RNASEL: variants seen among roughly 807,000 people sequenced by gnomAD.
The protein encoded by RNASEL is 2-5A-dependent ribonuclease.
RNASEL carries 36 observed loss-of-function variants against 50.9 expected under a neutral mutation model. The ratio of observed to expected loss-of-function variants is 0.71; its 90% CI spans 0.54 to 0.93. RNASEL has a LOEUF of 0.93. Among genes scored for constraint, RNASEL ranks in the 40% least tolerant of loss-of-function variants. The probability of loss-of-function intolerance (pLI) is 0.00; values close to 1 mark genes in which losing one functional copy is unlikely to be tolerated. For missense variants in RNASEL, 860 were observed against 894.5 expected, an observed-to-expected ratio of 0.96 and a Z score of 0.49; for synonymous variants, 335 against 335.6, an observed-to-expected ratio of 1.00 and a Z score of 0.02.
Position 182,585,660 on chromosome 1 carries a change from AC to A in RNASEL, c.1146del (p.Phe383SerfsTer7). On this transcript the variant is annotated frameshift_variant, in exon 2 of 7. Coordinates refer to ENST00000367559, the MANE Select transcript of RNASEL (RefSeq NM_021133.4). LOFTEE classifies it high-confidence loss of function. ...ADTSEGGIYL[G>X]FYEKQEVAVK... ...ACAGCTACTTCTTGCTTCTCATAGA[AC>A]CCCAGGTAGATGCCTCCTTCTGAAG... The A allele has an allele frequency of 6.2e-7, 1 of 1,613,962 alleles. No homozygotes were observed. The highest frequency in any genetic ancestry group is 8.5e-7 in the Non-Finnish European group (1 of 1,180,000).
At chr1:182,575,671 G>T in intron 6 of RNASEL, 93 bp from the exon 7 acceptor site, 2 of 1,495,064 alleles carry the variant, frequency 1.3e-6, no homozygotes, top group South Asian at 2.4e-5. Flanking sequence ...TTGCTCGCTT[G>T]ATTTCTATTG....
chr1:182,579,742 A>G (rs900681632), intron 5 of RNASEL: 6 of 1,174,636 alleles, frequency 5.1e-6, no homozygotes, highest in Admixed American at 7.8e-5. Flanking sequence ...AGAACCAATA[A>G]ATTGGGAAAT....
At chr1:182,587,646 G>A (rs1459042493) in intron 1 of RNASEL, among the ~76,000 whole-genome samples, 3 of 147,238 alleles carry the variant, frequency 2.0e-5, no homozygotes, top group Non-Finnish European at 4.5e-5. Flanking sequence ...ATGAAAATAT[G>A]CACATCAATT....
In RNASEL at chr1:182,576,255, C is replaced by T; in HGVS notation, c.2039+1G>A. The stretch of plus-strand genomic sequence containing the variant: ...TTTGTAGGAATGAAAACAATACTTA[C>T]TTTTTATGCTTTTCTTCATCAATGT... On this transcript the variant is annotated splice_donor_variant, in intron 6 of 6. Coordinates refer to ENST00000367559, the MANE Select transcript of RNASEL (RefSeq NM_021133.4). LOFTEE classifies it high-confidence loss of function. The T allele has an allele frequency of 2.5e-6, 4 of 1,610,432 alleles. No homozygotes were observed. The highest frequency in any genetic ancestry group is 3.4e-6 in the Non-Finnish European group (4 of 1,177,916).
intron 4 of RNASEL, 101 bp from the exon 5 acceptor site, chr1:182,581,458 T>C (rs1661494409): frequency 7.8e-6 from 10 of 1,288,410 alleles, no homozygotes; most frequent in Non-Finnish European, 1.1e-5. Flanking sequence ...TTTTGTGCTT[T>C]CTTGGTTTTT....
intron 3 of RNASEL, among the ~76,000 whole-genome samples, chr1:182,583,332 G>A (rs1445203213): frequency 6.6e-6 from 1 of 152,152 alleles, no homozygotes; most frequent in African/African-American, 2.4e-5. Flanking sequence ...GCTCTGCTGC[G>A]GGAGAAGCCC....
chr1:182,585,753 T>C lies in RNASEL; in HGVS notation c.1054A>G (p.Arg352Gly). Residue 352 changes from arginine to glycine, a missense_variant, in exon 2 of 7, where the codon AGA becomes GGA. Physicochemically the swap from Arg to Gly is moderately radical, Grantham distance 125. Transcript: ENST00000367559. ...HWGAALKDLH[R>G]IYRPMIGKLK... ...TTGCCAATCATAGGGCGGTATATTC[T>C]GTGGAGATCCTTCAGGGCTGCCCCC... is the stretch of plus-strand genomic sequence containing the variant. 6.2e-7 allele frequency: 1 copy of C among 1,614,160 alleles called. No individual in the cohort carries two copies. The highest frequency in any genetic ancestry group is 8.5e-7 in the Non-Finnish European group (1 of 1,180,034).
At chr1:182,576,411 C>CA in intron 5 of RNASEL, 22 bp from the exon 6 acceptor site, 1 of 1,526,816 alleles carries the variant, frequency 6.5e-7, no homozygotes. Context: ...AAAAATAACA[C>CA]AAAAATGTGG....
At chr1:182,581,078 G>T in intron 5 of RNASEL, 147 bp downstream of exon 5, 2 of 1,157,512 alleles carry the variant, frequency 1.7e-6, no homozygotes, top group Non-Finnish European at 2.6e-6. Context: ...GAGCCTAGGG[G>T]GATAGGGATG....
chr1:182,583,989 C>T, intron 3 of RNASEL, 92 bp downstream of exon 3: 1 of 884,626 alleles, frequency 1.1e-6, no homozygotes, highest in East Asian at 2.4e-5. Flanking sequence ...TACATATGTC[C>T]TACTAGTTCT....
chr1:182,587,317 C>T (rs3845458), intron 1 of RNASEL, among the ~76,000 whole-genome samples: 1 of 151,898 alleles, frequency 6.6e-6, no homozygotes, highest in Admixed American at 6.6e-5. Context: ...TTTTTCATGA[C>T]TATGTAATAT....
In RNASEL at chr1:182,586,816, T is replaced by C. The variant is rs1661611066; in HGVS notation, c.-10A>G. On this transcript the variant is annotated 5_prime_UTR_variant, in exon 2 of 7. Transcript: ENST00000367559. ...GATCCCTGCTCTCCATGACGGTAAA[T>C]GCCACCTGCTACCACTTTTAGCCTT... The C allele has an allele frequency of 6.2e-7, 1 of 1,613,978 alleles. No homozygotes were observed. The highest frequency in any genetic ancestry group is 1.1e-5 in the South Asian group (1 of 91,080).
chr1:182,580,682 A>G (rs1558470905), intron 5 of RNASEL, among the ~76,000 whole-genome samples: 1 of 152,246 alleles, frequency 6.6e-6, no homozygotes, highest in Non-Finnish European at 1.5e-5. Flanking sequence ...GTAGAGTTCC[A>G]CTATAATTAA....
rs753803341 is a variant in RNASEL at position 182,576,241 on chromosome 1, G to T, written c.2039+15C>A. The T allele has an allele frequency of 3.1e-6, 5 of 1,606,388 alleles. No homozygotes were observed. The South Asian group carries it at 5.6e-5, about 18-fold the overall frequency. On this transcript the variant is annotated intron_variant, in intron 6 of 6. Coordinates refer to ENST00000367559, the MANE Select transcript of RNASEL (RefSeq NM_021133.4). ...CATTTCACATATAATTTGTAGGAAT[G>T]AAAACAATACTTACTTTTTATGCTT...
chr1:182,575,294 C>T lies in RNASEL; in HGVS notation c.*98G>A. The stretch of plus-strand genomic sequence containing the variant: ...CATATCAGCTATGCAACTCATCCCT[C>T]ACAAGCAACCTGGTGAGTTAAAAGG... On this transcript the variant is annotated 3_prime_UTR_variant, in exon 7 of 7. Transcript: ENST00000367559. 1 of 1,254,172 alleles carries T rather than the reference C, an allele frequency of 8.0e-7. No homozygotes were observed. The highest frequency in any genetic ancestry group is 1.2e-6 in the Non-Finnish European group (1 of 854,700). The allele number at this position is 1,254,172 out of a possible 1,614,324, so 77.7% of individuals were successfully genotyped here.
In RNASEL at chr1:182,585,372, AG is replaced by A; in HGVS notation, c.1434del (p.Cys479ValfsTer14). On this transcript the variant is annotated frameshift_variant, in exon 2 of 7. Coordinates refer to ENST00000367559, the MANE Select transcript of RNASEL (RefSeq NM_021133.4). LOFTEE classifies it high-confidence loss of function. ...IFKAVQELHL[S>X]CGYTHQDLQP... Reference sequence around the variant, plus strand: ...TGCAGATCCTGGTGGGTGTATCCACAGGACAAGTGTAGTTCTTGAACAGCCT... The same window carrying A: ...TGCAGATCCTGGTGGGTGTATCCACAGACAAGTGTAGTTCTTGAACAGCCT... 4 of 1,614,188 alleles carry A rather than the reference AG, an allele frequency of 2.5e-6. No homozygotes were observed. Among genetic ancestry groups the A allele is most frequent in the Non-Finnish European group, 3.4e-6 (4 of 1,180,000 alleles).
At position 182,574,494 on chromosome 1, in the gene RNASEL, G is replaced by T. The variant is rs1378826507; in HGVS notation, c.*898C>A. The T allele has an allele frequency of 8.6e-6, 2 of 231,630 alleles. No homozygotes were observed. Among genetic ancestry groups the T allele is most frequent in the East Asian group, 1.2e-4 (2 of 16,376 alleles). 14.3% of individuals were successfully genotyped at this position (231,630 alleles called of 1,614,324 possible). A position where few individuals can be genotyped will look rare whatever the true frequency, so the allele number is the denominator to read the frequency against. On this transcript the variant is annotated 3_prime_UTR_variant, in exon 7 of 7. Coordinates refer to ENST00000367559, the MANE Select transcript of RNASEL (RefSeq NM_021133.4). Reference sequence around the variant, plus strand: ...TGGTCCACACACTCCACAGTCCTGGGCCTTAAGCTAGTTCAAAAGCATCCC... The same window carrying T: ...TGGTCCACACACTCCACAGTCCTGGTCCTTAAGCTAGTTCAAAAGCATCCC...
intron 2 of RNASEL, 145 bp downstream of exon 2, chr1:182,585,182 T>C (rs1249785903): frequency 1.2e-6 from 1 of 832,652 alleles, no homozygotes; most frequent in Non-Finnish European, 1.9e-6. Context: ...CACTGCACTG[T>C]AATTATGAAT....
At position 182,586,456 on chromosome 1, in the gene RNASEL, A is replaced by C. The variant is rs370473435; in HGVS notation, c.351T>G (p.Asp117Glu). ...AGCCATAAAAATCACACTCATTGACATCTGCTCCTTTAGAAAGGAAAAGTT... is the reference window on the plus strand; with the variant it reads ...AGCCATAAAAATCACACTCATTGACCTCTGCTCCTTTAGAAAGGAAAAGTT... ...LLKLFLSKGADVNECDFYGFT... is the reference protein window; with the variant it reads ...LLKLFLSKGAEVNECDFYGFT... The change falls in exon 2 of 7, where the codon GAT becomes GAG. Residue 117 changes from aspartate to glutamate, a missense_variant. By Grantham distance (45) the Asp-to-Glu change is conservative. Transcript: ENST00000367559. 1 of 1,614,054 alleles carries C rather than the reference A, an allele frequency of 6.2e-7. No individual in the cohort carries two copies. Among genetic ancestry groups the C allele is most frequent in the Non-Finnish European group, 8.5e-7 (1 of 1,179,926 alleles).
Sources: allele counts gnomAD v4.1 joint callset (sites outside exome capture counted in the v4.1 genomes callset), GRCh38; gene constraint gnomAD v4.1.1; transcripts MANE v1.5; gene names NCBI Gene and HGNC (gene_info 2026-07-23, HGNC 2026-07-21).